The following MED13L variants were observed in gnomAD, a reference collection of about 807,000 sequenced individuals.
MED13L encodes the protein mediator of RNA polymerase II transcription subunit 13-like.
Under a neutral mutation model 220.9 loss-of-function variants are expected in MED13L, and 7 were observed. The ratio of observed to expected loss-of-function variants is 0.03; its 90% confidence interval spans 0.02 to 0.06. MED13L has a LOEUF of 0.06. Among genes scored for constraint, MED13L ranks in the 10% least tolerant of loss-of-function variants. The pLI, the probability that MED13L is intolerant of heterozygous loss-of-function variation, is 1.00. For missense variants in MED13L, 1,965 were observed against 2,760.5 expected (o/e 0.71, Z 6.46); for synonymous variants, 1,011 against 1,015.2 (o/e 1.00, Z 0.08).
chr12:116,042,978 G>C (rs934006648), intron 4 of MED13L, among the ~76,000 whole-genome samples: 9 of 152,168 alleles, frequency 5.9e-5, no homozygotes, highest in Non-Finnish European at 1.2e-4. Context: ...CGATGTTCAT[G>C]TTAAACAAAG....
chr12:116,141,413 C>T (rs1311016411), intron 2 of MED13L, among the ~76,000 whole-genome samples: 2 of 151,994 alleles, frequency 1.3e-5, no homozygotes, highest in Admixed American at 6.6e-5. Context: ...ATAAAATATA[C>T]AAAACGAACT....
At chr12:116,025,678 A>G (rs150556195) in intron 4 of MED13L, among the ~76,000 whole-genome samples, 61 of 152,320 alleles carry the variant, frequency 4.0e-4, no homozygotes, top group African/African-American at 1.3e-3. Flanking sequence ...AAAAAACCTG[A>G]TATCATATAA....
chr12:116,201,762 A>C (rs577588494), intron 2 of MED13L, among the ~76,000 whole-genome samples: 126 of 152,254 alleles, frequency 8.3e-4, no homozygotes, highest in African/African-American at 3.0e-3. Context: ...TGATCTGAAA[A>C]ACCTAAGAGC....
chr12:116,070,619 G>T (rs1436289022), intron 4 of MED13L, among the ~76,000 whole-genome samples: 1 of 152,118 alleles, frequency 6.6e-6, no homozygotes, highest in Non-Finnish European at 1.5e-5. Context: ...ACCTAACATA[G>T]TGATGAAAAT....
At chr12:116,118,206 T>C (rs1018350771) in intron 2 of MED13L, among the ~76,000 whole-genome samples, 1 of 152,146 alleles carries the variant, frequency 6.6e-6, no homozygotes. Context: ...ATAACATAAA[T>C]TAACATAAAG....
At chr12:115,969,670 G>A (rs1876444373) in intron 27 of MED13L, among the ~76,000 whole-genome samples, 1 of 151,916 alleles carries the variant, frequency 6.6e-6, no homozygotes. Flanking sequence ...TGCCTCCTGG[G>A]TTCAAGTGAT....
intron 3 of MED13L, among the ~76,000 whole-genome samples, chr12:116,102,703 CTTTT>C (rs1278266842): frequency 1.3e-4 from 8 of 63,204 alleles, no homozygotes; most frequent in African/African-American, 3.7e-4. Context: ...TTTTCTTTTT[CTTTT>C]TTCTTTTTTT....
intron 2 of MED13L, among the ~76,000 whole-genome samples, chr12:116,159,021 A>G (rs1386566324): frequency 2.0e-5 from 3 of 152,210 alleles, no homozygotes; most frequent in East Asian, 3.8e-4. Flanking sequence ...ACTGAAAAAT[A>G]TGTTCAATCC....
intron 2 of MED13L, among the ~76,000 whole-genome samples, chr12:116,112,866 C>T (rs903022428): frequency 2.6e-5 from 4 of 152,158 alleles, no homozygotes; most frequent in African/African-American, 9.7e-5. Flanking sequence ...GAACACCCCA[C>T]ATTAATTTGT....
intron 30 of MED13L, among the ~76,000 whole-genome samples, chr12:115,962,186 C>T (rs1327128641): frequency 1.3e-5 from 2 of 152,156 alleles, no homozygotes; most frequent in Non-Finnish European, 2.9e-5. Context: ...CAGTGTTCCT[C>T]TAGGGCAGCA....
At chr12:115,994,525 G>A (rs1269801279) in intron 16 of MED13L, among the ~76,000 whole-genome samples, 3 of 152,130 alleles carry the variant, frequency 2.0e-5, no homozygotes, top group Non-Finnish European at 4.4e-5. Context: ...AATAGAGCCA[G>A]TTAAGAATAC....
chr12:115,973,863 T>C (rs1876754595), intron 25 of MED13L, among the ~76,000 whole-genome samples: 1 of 152,196 alleles, frequency 6.6e-6, no homozygotes, highest in Non-Finnish European at 1.5e-5. Flanking sequence ...AGAAAACATT[T>C]ACTTAATACA....
At chr12:116,027,330 G>C (rs1380404855) in intron 4 of MED13L, among the ~76,000 whole-genome samples, 1 of 152,150 alleles carries the variant, frequency 6.6e-6, no homozygotes, top group African/African-American at 2.4e-5. Context: ...GCTGAGGTAG[G>C]AGGACAGCTT....
intron 2 of MED13L, among the ~76,000 whole-genome samples, chr12:116,181,701 C>G (rs1880541394): frequency 6.6e-6 from 1 of 152,046 alleles, no homozygotes; most frequent in Admixed American, 6.6e-5. Flanking sequence ...GACGGGGTTT[C>G]ATCATATTGG....
chr12:116,000,957 A>G (rs1434434015), intron 14 of MED13L, among the ~76,000 whole-genome samples: 4 of 152,196 alleles, frequency 2.6e-5, no homozygotes, highest in Admixed American at 1.3e-4. Flanking sequence ...CCAAAAAAAA[A>G]AGTAAAATAT....
At chr12:116,178,152 CA>C (rs200365494) in intron 2 of MED13L, among the ~76,000 whole-genome samples, 13,380 of 152,190 alleles carry the variant, frequency 0.088, 696 homozygotes, top group East Asian at 0.21. Context: ...GCTGAGATTA[CA>C]CCACGCCTAG....
intron 4 of MED13L, among the ~76,000 whole-genome samples, chr12:116,094,410 C>A (rs1872498772): frequency 1.3e-5 from 2 of 152,136 alleles, no homozygotes; most frequent in African/African-American, 4.8e-5. Context: ...AGCAGCCTCC[C>A]ATTTATATTG....
rs978873685 is a variant in MED13L at position 115,959,714 on chromosome 12, C to A, written c.*1552G>T. The A allele has an allele frequency of 6.6e-6, 1 of 152,598 alleles. No individual in the cohort carries two copies. Among genetic ancestry groups the A allele is most frequent in the East Asian group, 1.9e-4 (1 of 5,198 alleles). The allele number at this position is 152,598 out of a possible 1,614,324, so 9.5% of individuals were successfully genotyped here. A position where few individuals can be genotyped will look rare whatever the true frequency, so the allele number is the denominator to read the frequency against. ...TACAGAGAACAAAATTATCCATTTA[C>A]AAGTTATTTCTCTGCTTTCACATTC... On this transcript the variant is annotated 3_prime_UTR_variant, in exon 31 of 31. Transcript: ENST00000281928.
chr12:115,969,122 C>A, intron 27 of MED13L, 25 bp from the exon 28 acceptor site: 1 of 1,610,214 alleles, frequency 6.2e-7, no homozygotes, highest in African/African-American at 1.3e-5. Flanking sequence ...GGAAAAAAAG[C>A]ACAAAAATTA....
Sources: gnomAD v4.1 joint callset for allele counts (sites outside exome capture counted in the v4.1 genomes callset) on GRCh38, gnomAD v4.1.1 for gene constraint, MANE v1.5 for transcripts, NCBI Gene and HGNC (gene_info 2026-07-23, HGNC 2026-07-21) for gene names.